MCMDC2: variants seen among roughly 807,000 people sequenced by gnomAD.
MCMDC2 encodes the protein minichromosome maintenance domain containing 2.
Under a neutral mutation model 75.8 loss-of-function variants are expected in MCMDC2, and 54 were observed. That is an observed-to-expected ratio of 0.71 (90% CI 0.57 to 0.89). MCMDC2 has a LOEUF of 0.89. MCMDC2 is among the 40% of genes least tolerant of loss of function. The probability of loss-of-function intolerance (pLI) is 0.00; values close to 1 mark genes in which losing one functional copy is unlikely to be tolerated. For missense variants in MCMDC2, 656 were observed against 780.4 expected, an observed-to-expected ratio of 0.84 and a Z score of 1.90; for synonymous variants, 249 against 274.6, an observed-to-expected ratio of 0.91 and a Z score of 0.92.
chr8:66,885,311 C>T (rs1009009438), intron 9 of MCMDC2, among the ~76,000 whole-genome samples: 9 of 147,094 alleles, frequency 6.1e-5, no homozygotes, highest in African/African-American at 1.3e-4. Context: ...CCAGCCTGGG[C>T]GACAGAGCGA....
chr8:66,881,154 A>AG (rs1811540137), intron 8 of MCMDC2, among the ~76,000 whole-genome samples, 180 bp downstream of exon 8: 2 of 152,240 alleles, frequency 1.3e-5, no homozygotes, highest in South Asian at 4.1e-4. Flanking sequence ...ATATACATAT[A>AG]AAGTAAGCAA....
chr8:66,924,988 C>T (rs866040471), downstream of MCMDC2, among the ~76,000 whole-genome samples: 1 of 152,332 alleles, frequency 6.6e-6, no homozygotes, highest in African/African-American at 2.4e-5. Context: ...GGGATAATCA[C>T]CTTCCTATTT....
chr8:66,915,750 G>A (rs139350571), intron 14 of MCMDC2, among the ~76,000 whole-genome samples: 1 of 152,022 alleles, frequency 6.6e-6, no homozygotes, highest in South Asian at 2.1e-4. Context: ...GCCAAGGAAT[G>A]GATGAAATCA....
chr8:66,915,200 C>T (rs1394533295), intron 14 of MCMDC2, among the ~76,000 whole-genome samples: 2 of 151,884 alleles, frequency 1.3e-5, no homozygotes, highest in African/African-American at 2.4e-5. Flanking sequence ...CGGTGGCTCA[C>T]GCCAGCACTT....
chr8:66,877,842 A>T (rs1468147799), intron 5 of MCMDC2, among the ~76,000 whole-genome samples: 2 of 148,276 alleles, frequency 1.3e-5, no homozygotes, highest in Non-Finnish European at 3.0e-5. Flanking sequence ...TCCAGCCTGG[A>T]TGACAAAGAG....
intron 14 of MCMDC2, among the ~76,000 whole-genome samples, chr8:66,917,312 A>T (rs1288690249): frequency 1.3e-5 from 2 of 152,204 alleles, no homozygotes; most frequent in African/African-American, 4.8e-5. Flanking sequence ...CAGTTGCTAA[A>T]CTGTACTCTT....
chr8:66,924,829 T>C (rs535419231), downstream of MCMDC2, among the ~76,000 whole-genome samples: 2 of 152,264 alleles, frequency 1.3e-5, no homozygotes, highest in African/African-American at 2.4e-5. Context: ...GCCTTGACTT[T>C]AGCGCGTATT....
At chr8:66,896,552 G>A (rs1300698016) in intron 11 of MCMDC2, among the ~76,000 whole-genome samples, 1 of 151,980 alleles carries the variant, frequency 6.6e-6, no homozygotes, top group East Asian at 1.9e-4. Flanking sequence ...GGTAACTAGA[G>A]AGTCTTTAAT....
intron 13 of MCMDC2, 54 bp from the exon 14 acceptor site, chr8:66,905,172 A>G (rs1812855815): frequency 2.3e-6 from 3 of 1,294,350 alleles, no homozygotes; most frequent in Admixed American, 6.9e-5. Flanking sequence ...GCCAAAATAT[A>G]TATTATTTTT....
chr8:66,909,373 C>T (rs1259581257), intron 14 of MCMDC2, among the ~76,000 whole-genome samples: 1 of 152,200 alleles, frequency 6.6e-6, no homozygotes, highest in African/African-American at 2.4e-5. Flanking sequence ...AAAATGTGGA[C>T]TTGACTTTGT....
chr8:66,883,691 C>A, intron 8 of MCMDC2, 66 bp from the exon 9 acceptor site: 1 of 838,084 alleles, frequency 1.2e-6, no homozygotes, highest in South Asian at 1.7e-5. Context: ...TAAAGGGAGT[C>A]AAATATCTAT....
At chr8:66,893,357 A>G (rs1223530900) in intron 10 of MCMDC2, among the ~76,000 whole-genome samples, 1 of 152,226 alleles carries the variant, frequency 6.6e-6, no homozygotes, top group African/African-American at 2.4e-5. Flanking sequence ...AAAAAAAGCA[A>G]TAAAAGCAAA....
At position 66,891,033 on chromosome 8, in the gene MCMDC2, T is replaced by C. The variant is rs746780375; in HGVS notation, c.1242T>C (p.Ala414=). 2 of 1,590,110 alleles carry C rather than the reference T, an allele frequency of 1.3e-6. No homozygotes were observed. The highest frequency in any genetic ancestry group is 1.7e-6 in the Non-Finnish European group (2 of 1,174,600). Residue 414 remains alanine, a synonymous_variant, in exon 10 of 15, where the codon GCT becomes GCC. Coordinates refer to ENST00000422365, the MANE Select transcript of MCMDC2 (RefSeq NM_173518.5). ...KGGICFIGDL[A]SHKKDKLEQL... Reference sequence around the variant, plus strand: ...GTATCTGCTTTATAGGAGACTTGGCTTCACACAAAAAAGATAAACTTGAAC... The same window carrying C: ...GTATCTGCTTTATAGGAGACTTGGCCTCACACAAAAAAGATAAACTTGAAC...
rs1812641657 is a variant in MCMDC2 at position 66,901,214 on chromosome 8, T to C, written c.1635T>C (p.Ala545=). The C allele has an allele frequency of 6.2e-7, 1 of 1,613,110 alleles. No homozygotes were observed. Among genetic ancestry groups the C allele is most frequent in the African/African-American group, 1.3e-5 (1 of 74,894 alleles). ...TTTTTCACACTTTTTAGCTATTGGC[T>C]TTTGCAAAGAATTTGAATGTAGAAT... ...FTTEDFEKLL[A]FAKNLNVEFS... Residue 545 remains alanine (A), a synonymous_variant, in exon 13 of 15, where the codon GCT becomes GCC. Transcript: ENST00000422365.
intron 14 of MCMDC2, among the ~76,000 whole-genome samples, chr8:66,917,584 T>C (rs1813372150): frequency 6.6e-6 from 1 of 152,136 alleles, no homozygotes; most frequent in South Asian, 2.1e-4. Context: ...CCTCCTCTAC[T>C]CCTCCTGGGA....
intron 5 of MCMDC2, among the ~76,000 whole-genome samples, chr8:66,878,352 C>A (rs1240797134): frequency 6.6e-6 from 1 of 152,204 alleles, no homozygotes; most frequent in Non-Finnish European, 1.5e-5. Flanking sequence ...CAAAAAACAG[C>A]TGTTAACTGT....
At chr8:66,906,134 T>C (rs1354176264) in intron 14 of MCMDC2, among the ~76,000 whole-genome samples, 1 of 152,168 alleles carries the variant, frequency 6.6e-6, no homozygotes, top group Non-Finnish European at 1.5e-5. Context: ...TTATTATGCT[T>C]TTGCTAATAA....
At chr8:66,917,086 AAGC>A (rs1221169575) in intron 14 of MCMDC2, among the ~76,000 whole-genome samples, 1 of 152,184 alleles carries the variant, frequency 6.6e-6, no homozygotes, top group Non-Finnish European at 1.5e-5. Context: ...AATGGTCTGG[AAGC>A]AGCAGAGGGG....
At chr8:66,901,671 C>A in intron 13 of MCMDC2, 1 of 1,032,414 alleles carries the variant, frequency 9.7e-7, no homozygotes, top group Non-Finnish European at 1.2e-6. Flanking sequence ...GTGGCTCACA[C>A]CTGTAATCCC....
Sources: allele counts gnomAD v4.1 joint callset (sites outside exome capture counted in the v4.1 genomes callset), GRCh38; gene constraint gnomAD v4.1.1; transcripts MANE v1.5; gene names NCBI Gene and HGNC (gene_info 2026-07-23, HGNC 2026-07-21).